Variants in CENPP observed in about 807,000 individuals in gnomAD.
CENPP encodes the protein centromere protein P.
CENPP carries 24 observed loss-of-function variants against 35.6 expected under a neutral mutation model. That is an observed-to-expected ratio of 0.67 (90% CI 0.49 to 0.95). The LOEUF (loss-of-function observed/expected upper bound fraction) is 0.95. CENPP is among the 40% of genes least tolerant of loss of function. The pLI is 0.00. For synonymous variants in CENPP, 120 were observed against 125.5 expected (o/e 0.96, Z 0.29); for missense variants, 332 against 345.3 (o/e 0.96, Z 0.31).
At position 92,390,589 on chromosome 9, in the gene CENPP, C is replaced by A. The variant is rs535758220; in HGVS notation, c.564+10730C>A. On this transcript the variant is annotated intron_variant, in intron 5 of 7. Coordinates refer to ENST00000375587, the MANE Select transcript of CENPP (RefSeq NM_001012267.3). ...GTGTGTGTGTGTGTGTGTGTGTGTGCGCGCGCGCGTACTTGCGTGTGCATC... is the reference window on the plus strand; with the variant it reads ...GTGTGTGTGTGTGTGTGTGTGTGTGAGCGCGCGCGTACTTGCGTGTGCATC... Among the ~76,000 whole-genome samples the A allele has an allele frequency of 9.0e-4, 106 of 118,296 alleles. No homozygotes were observed. The East Asian group carries it at 0.022, about 24-fold the overall frequency. 77.6% of individuals were successfully genotyped at this position (118,296 alleles called of 152,430 possible). A position where few individuals can be genotyped will look rare whatever the true frequency, so the allele number is the denominator to read the frequency against.
chr9:92,374,204 G>T lies in CENPP; in HGVS notation c.468-5559G>T, dbSNP rs1167716498. ...TCCATTTACATTTAAACCAATTCCT[G>T]ATAAGGAAATATTTACTTCTGCTGT... is the stretch of plus-strand genomic sequence containing the variant. On this transcript the variant is annotated intron_variant, in intron 4 of 7. Coordinates refer to ENST00000375587, the MANE Select transcript of CENPP (RefSeq NM_001012267.3). 4.6e-5 allele frequency among the ~76,000 whole-genome samples: 7 copies of T among 150,546 alleles called. No individual in the cohort carries two copies. The East Asian group carries it at 1.4e-3, about 29-fold the overall frequency.
At chr9:92,600,589 G>T in intron 5 of CENPP, 1 of 1,600,182 alleles carries the variant, frequency 6.2e-7, no homozygotes. Context: ...GAGGGTTCTG[G>T]GGCATCAGTC....
intron 5 of CENPP, among the ~76,000 whole-genome samples, chr9:92,439,739 G>A (rs539426503): frequency 2.6e-5 from 4 of 152,212 alleles, no homozygotes; most frequent in African/African-American, 7.2e-5. Context: ...GAATGCTCTT[G>A]AGTCTTATTG....
intron 4 of CENPP, among the ~76,000 whole-genome samples, chr9:92,354,689 T>TA (rs1225989861): frequency 1.3e-5 from 2 of 152,138 alleles, no homozygotes; most frequent in African/African-American, 2.4e-5. Flanking sequence ...CACTTTAACT[T>TA]AAAAAAAGTT....
chr9:92,493,075 G>A (rs1846217828), intron 5 of CENPP, among the ~76,000 whole-genome samples: 1 of 152,208 alleles, frequency 6.6e-6, no homozygotes, highest in African/African-American at 2.4e-5. Flanking sequence ...AGCTGGAGCT[G>A]GAGAAAGGGA....
chr9:92,563,809 A>G (rs1849901778), intron 5 of CENPP, among the ~76,000 whole-genome samples: 1 of 120,598 alleles, frequency 8.3e-6, no homozygotes, highest in East Asian at 2.8e-4. Flanking sequence ...TCCTCCTCCC[A>G]AAGTGGGGTG....
intron 5 of CENPP, among the ~76,000 whole-genome samples, chr9:92,481,640 TGTA>T: frequency 6.6e-6 from 1 of 152,218 alleles, no homozygotes; most frequent in African/African-American, 2.4e-5. Flanking sequence ...AAATTCTGAC[TGTA>T]TACATGCTGT....
At chr9:92,334,533 C>T (rs554757789) in intron 2 of CENPP, among the ~76,000 whole-genome samples, 2 of 152,042 alleles carry the variant, frequency 1.3e-5, no homozygotes, top group Admixed American at 6.5e-5. Context: ...AGGACTAATC[C>T]TCTTCTGCTG....
At chr9:92,473,848 G>A (rs1193916959) in intron 5 of CENPP, among the ~76,000 whole-genome samples, 1 of 152,202 alleles carries the variant, frequency 6.6e-6, no homozygotes. Context: ...GCAGTAGGAA[G>A]CACGTCTAAT....
At chr9:92,467,499 C>T (rs1317018361) in intron 5 of CENPP, among the ~76,000 whole-genome samples, 1 of 152,170 alleles carries the variant, frequency 6.6e-6, no homozygotes, top group Non-Finnish European at 1.5e-5. Flanking sequence ...TGATGACAGG[C>T]CACTAAGCGT....
At chr9:92,442,862 A>C (rs1030538584) in intron 5 of CENPP, among the ~76,000 whole-genome samples, 3 of 152,018 alleles carry the variant, frequency 2.0e-5, no homozygotes, top group Admixed American at 6.6e-5. Context: ...AAAAAAAAAA[A>C]CATTGGATAC....
At chr9:92,517,250 G>C (rs111927950) in intron 5 of CENPP, 2,649 of 199,306 alleles carry the variant, frequency 0.013, 28 homozygotes, top group Non-Finnish European at 0.017. Context: ...CAGAGGGTTG[G>C]GGCTTTGTTC....
intron 5 of CENPP, among the ~76,000 whole-genome samples, chr9:92,507,918 C>T (rs1168647946): frequency 6.6e-6 from 1 of 152,174 alleles, no homozygotes; most frequent in Non-Finnish European, 1.5e-5. Flanking sequence ...CTTTGCTTGC[C>T]TTTCACCTTC....
In CENPP at chr9:92,412,324, C is replaced by T. The variant is rs1221668378; in HGVS notation, c.564+32465C>T. Among the ~76,000 whole-genome samples, 55 of 152,094 alleles carry T rather than the reference C, an allele frequency of 3.6e-4. 1 individual carries two copies. Among genetic ancestry groups the T allele is most frequent in the Admixed American group, 3.6e-3 (55 of 15,260 alleles). Reference sequence around the variant, plus strand: ...CCAGTCTTGAACTTCTGGCCTCAAGCAATTCTCCCACCTTGGTCTTCCAGA... The same window carrying T: ...CCAGTCTTGAACTTCTGGCCTCAAGTAATTCTCCCACCTTGGTCTTCCAGA... On this transcript the variant is annotated intron_variant, in intron 5 of 7. Coordinates refer to ENST00000375587, the MANE Select transcript of CENPP (RefSeq NM_001012267.3).
chr9:92,562,007 C>T (rs1035439989), intron 5 of CENPP, among the ~76,000 whole-genome samples: 8 of 152,126 alleles, frequency 5.3e-5, no homozygotes, highest in African/African-American at 1.9e-4. Context: ...CACTTCATTC[C>T]TCCACAACAG....
chr9:92,518,746 G>A (rs564104452), intron 5 of CENPP, among the ~76,000 whole-genome samples: 89 of 152,144 alleles, frequency 5.8e-4, no homozygotes, highest in African/African-American at 2.1e-3. Context: ...AAAATTAGCC[G>A]AGTATGGTGG....
intron 5 of CENPP, among the ~76,000 whole-genome samples, chr9:92,419,050 C>T (rs1003327282): frequency 2.0e-5 from 3 of 152,078 alleles, no homozygotes; most frequent in Non-Finnish European, 2.9e-5. Context: ...ATCAAATACA[C>T]GTGCAGTAGA....
At chr9:92,339,574 A>G (rs1415763255) in intron 3 of CENPP, 5 of 152,252 alleles carry the variant, frequency 3.3e-5, no homozygotes, top group Non-Finnish European at 7.3e-5. Flanking sequence ...AAGGTGTAGT[A>G]TAGCATTGCC....
intron 5 of CENPP, among the ~76,000 whole-genome samples, chr9:92,592,249 G>GTAC (rs1850683109): frequency 6.6e-6 from 1 of 152,008 alleles, no homozygotes; most frequent in Admixed American, 6.6e-5. Context: ...CTCCGATCAG[G>GTAC]AAACAGCATG....
Sources: allele counts gnomAD v4.1 joint callset (sites outside exome capture counted in the v4.1 genomes callset), GRCh38; gene constraint gnomAD v4.1.1; transcripts MANE v1.5; gene names NCBI Gene and HGNC (gene_info 2026-07-23, HGNC 2026-07-21).